The following DLC1 variants were observed in gnomAD, a reference collection of about 807,000 sequenced individuals.
The protein encoded by DLC1 is DLC1 Rho GTPase activating protein.
In DLC1, 54 loss-of-function variants were observed where a neutral mutation model predicts 140.3. That is an observed-to-expected ratio of 0.38 (90% CI 0.31 to 0.48). The LOEUF (loss-of-function observed/expected upper bound fraction) is 0.48. Among genes scored for constraint, DLC1 ranks in the 20% least tolerant of loss-of-function variants. The pLI, the probability that DLC1 is intolerant of heterozygous loss-of-function variation, is 0.96. For missense variants in DLC1, 2,536 were observed against 1,907.0 expected (o/e 1.33, Z -6.14); for synonymous variants, 986 against 728.1 (o/e 1.35, Z -5.70).
At chr8:13,276,686 A>AGTCATTGGGT in intron 5 of DLC1, 1 of 904,572 alleles carries the variant, frequency 1.1e-6, no homozygotes, top group Non-Finnish European at 1.4e-6. Flanking sequence ...GTGCAACCCA[A>AGTCATTGGGT]TGACTCACCT....
intron 1 of DLC1, among the ~76,000 whole-genome samples, chr8:13,576,641 C>A (rs1804846882): frequency 1.3e-5 from 2 of 152,112 alleles, no homozygotes; most frequent in African/African-American, 4.8e-5. Context: ...GTGTGCAGGG[C>A]CTTGTCCTAT....
chr8:13,360,980 C>G (rs947142606), intron 4 of DLC1, among the ~76,000 whole-genome samples: 2 of 151,858 alleles, frequency 1.3e-5, no homozygotes, highest in African/African-American at 4.8e-5. Context: ...CCTGCGATCT[C>G]AATACTTGGG....
At position 13,555,517 on chromosome 8, in the gene DLC1, A is replaced by T. The variant is rs193135171; in HGVS notation, c.-126+49020T>A. On this transcript the variant is annotated intron_variant, in intron 1 of 1. Transcript: ENST00000631382. ...TAAATTTTTTATTTTTTTGAGACGG[A>T]GTCTCACTCTGTTGCCCAGGCTGGA... 1.8e-3 allele frequency among the ~76,000 whole-genome samples: 275 copies of T among 152,162 alleles called. 1 individual carries two copies. Among genetic ancestry groups the T allele is most frequent in the African/African-American group, 6.1e-3 (255 of 41,514 alleles).
intron 2 of DLC1, among the ~76,000 whole-genome samples, chr8:13,458,042 A>G (rs1036264159): frequency 2.6e-5 from 4 of 152,212 alleles, no homozygotes; most frequent in Non-Finnish European, 5.9e-5. Context: ...TGAAAAACTG[A>G]GAGTATGTGA....
intron 1 of DLC1, among the ~76,000 whole-genome samples, chr8:13,582,878 C>CCATATATATGTA: frequency 9.7e-6 from 1 of 103,094 alleles, no homozygotes; most frequent in African/African-American, 3.5e-5. Context: ...ATACTGTGGT[C>CCATATATATGTA]TATATATATA....
At chr8:13,399,417 C>T (rs1454956) in intron 3 of DLC1, among the ~76,000 whole-genome samples, 36,593 of 152,122 alleles carry the variant, frequency 0.24, 5,176 homozygotes, top group Admixed American at 0.29. Context: ...TCAGTGTGAA[C>T]ACAGGTAAAT....
At chr8:13,120,342 C>CAAAAAAAAAAA (rs1554577908) in intron 5 of DLC1, among the ~76,000 whole-genome samples, 36 of 58,770 alleles carry the variant, frequency 6.1e-4, no homozygotes, top group African/African-American at 1.3e-3. Flanking sequence ...GACTCCGTCG[C>CAAAAAAAAAAA]AAAAAAAAAA....
intron 7 of DLC1, among the ~76,000 whole-genome samples, chr8:13,104,129 A>G (rs1819347582): frequency 6.6e-6 from 1 of 152,146 alleles, no homozygotes; most frequent in African/African-American, 2.4e-5. Context: ...ATAGGACAAT[A>G]TAATGTGTGC....
chr8:13,567,758 A>G (rs149798700), intron 1 of DLC1: 7 of 1,551,940 alleles, frequency 4.5e-6, no homozygotes, highest in Non-Finnish European at 8.7e-7. Flanking sequence ...AGGCTTTCAG[A>G]TGACCCCAGA....
At position 13,363,170 on chromosome 8, in the gene DLC1, G is replaced by C. The variant is rs192232515; in HGVS notation, c.1314+30383C>G. Among the ~76,000 whole-genome samples, 339 of 152,236 alleles carry C rather than the reference G, an allele frequency of 2.2e-3. 2 individuals carry two copies. The highest frequency in any genetic ancestry group is 7.5e-3 in the African/African-American group (310 of 41,560). ...ATTCTGTTAATGTCTACACATGAGAGCCCATGGAACTAACCTGAAAGTATT... is the reference window on the plus strand; with the variant it reads ...ATTCTGTTAATGTCTACACATGAGACCCCATGGAACTAACCTGAAAGTATT... On this transcript the variant is annotated intron_variant, in intron 4 of 17. Coordinates refer to ENST00000276297, the MANE Select transcript of DLC1 (RefSeq NM_182643.3).
chr8:13,437,528 T>C (rs1434441388), intron 2 of DLC1, among the ~76,000 whole-genome samples: 2 of 152,242 alleles, frequency 1.3e-5, no homozygotes, highest in Non-Finnish European at 2.9e-5. Context: ...TGATTAATTC[T>C]ATGTTTATGT....
At chr8:13,151,874 T>C (rs182453096) in intron 5 of DLC1, among the ~76,000 whole-genome samples, 3 of 152,098 alleles carry the variant, frequency 2.0e-5, no homozygotes, top group Non-Finnish European at 1.5e-5. Flanking sequence ...TTATTTTTTT[T>C]AAAAAAAGAA....
chr8:13,090,552 G>A, intron 14 of DLC1, 82 bp from the exon 15 acceptor site: 7 of 1,506,462 alleles, frequency 4.6e-6, no homozygotes, highest in Non-Finnish European at 5.4e-6. Context: ...AGACTGGGTA[G>A]GAACAATGGC....
At chr8:13,337,811 A>G (rs1383173515) in intron 4 of DLC1, among the ~76,000 whole-genome samples, 2 of 152,218 alleles carry the variant, frequency 1.3e-5, no homozygotes, top group Admixed American at 6.5e-5. Context: ...ATAATACCAT[A>G]TTAACTAAAT....
chr8:13,582,275 A>G (rs573275809), intron 1 of DLC1, among the ~76,000 whole-genome samples: 19 of 152,196 alleles, frequency 1.2e-4, no homozygotes, highest in Admixed American at 1.2e-3. Flanking sequence ...CTTCAAGAAA[A>G]CACCAGTATA....
chr8:13,269,643 G>A (rs1176788652), intron 5 of DLC1, among the ~76,000 whole-genome samples: 1 of 136,832 alleles, frequency 7.3e-6, no homozygotes, highest in African/African-American at 2.8e-5. Context: ...GTTCAAGGCT[G>A]CATTGAGCTA....
intron 5 of DLC1, among the ~76,000 whole-genome samples, chr8:13,274,011 C>A (rs887671111): frequency 1.3e-5 from 2 of 152,104 alleles, no homozygotes; most frequent in Non-Finnish European, 2.9e-5. Context: ...ATTAATTTCA[C>A]AACATAAAGA....
chr8:13,224,350 T>A (rs759584617), intron 5 of DLC1, among the ~76,000 whole-genome samples: 19 of 152,234 alleles, frequency 1.2e-4, no homozygotes, highest in Non-Finnish European at 2.1e-4. Flanking sequence ...TCAGTCCGGT[T>A]GGTCAGAAGA....
intron 5 of DLC1, among the ~76,000 whole-genome samples, chr8:13,150,708 C>G (rs1823742532): frequency 6.6e-6 from 1 of 152,218 alleles, no homozygotes; most frequent in African/African-American, 2.4e-5. Flanking sequence ...AGGACCCGTG[C>G]TTTTCAGTAA....
Sources: gnomAD v4.1 joint callset for allele counts (sites outside exome capture counted in the v4.1 genomes callset) on GRCh38, gnomAD v4.1.1 for gene constraint, MANE v1.5 for transcripts, NCBI Gene and HGNC (gene_info 2026-07-23, HGNC 2026-07-21) for gene names.